The following ULK4 variants were observed in gnomAD, a reference collection of about 807,000 sequenced individuals.
The protein encoded by ULK4 is unc-51 like kinase 4.
In ULK4, 133 loss-of-function variants were observed where a neutral mutation model predicts 160.6. That is an observed-to-expected ratio of 0.83 (90% CI 0.72 to 0.96). The LOEUF (loss-of-function observed/expected upper bound fraction) is 0.96, where lower values mean the gene tolerates loss of function less well. Among genes scored for constraint, ULK4 ranks in the 40% least tolerant of loss-of-function variants. ULK4 has a pLI of 0.00. For synonymous variants in ULK4, 534 were observed against 539.8 expected (o/e 0.99, Z 0.15); for missense variants, 1,580 against 1,499.5 (o/e 1.05, Z -0.89).
At chr3:41,956,026 T>TA (rs1700472295) in intron 1 of ULK4, among the ~76,000 whole-genome samples, 1 of 151,972 alleles carries the variant, frequency 6.6e-6, no homozygotes, top group Non-Finnish European at 1.5e-5. Context: ...GTAACTAAAT[T>TA]GAAAGGAAAA....
At chr3:41,354,719 C>A (rs1278460483) in intron 35 of ULK4, among the ~76,000 whole-genome samples, 1 of 152,170 alleles carries the variant, frequency 6.6e-6, no homozygotes, top group Non-Finnish European at 1.5e-5. Context: ...ATGGGGCAAG[C>A]AAACTCTGCT....
intron 20 of ULK4, among the ~76,000 whole-genome samples, chr3:41,799,920 G>C (rs773262800): frequency 6.6e-6 from 1 of 152,004 alleles, no homozygotes; most frequent in African/African-American, 2.4e-5. Context: ...TCCTAACAAG[G>C]TTTTATTGAA....
At chr3:41,275,767 C>T (rs1375475475) in intron 35 of ULK4, among the ~76,000 whole-genome samples, 2 of 152,188 alleles carry the variant, frequency 1.3e-5, no homozygotes, top group Non-Finnish European at 1.5e-5. Flanking sequence ...TCTAACATTT[C>T]CAGAGTCCAA....
Position 41,861,166 on chromosome 3 carries a change from ATAG to A in ULK4, c.1656+22705_1656+22707del, listed in dbSNP as rs144503520. Among the ~76,000 whole-genome samples the A allele has an allele frequency of 7.7e-3, 1,171 of 152,294 alleles. 45 individuals carry two copies. In the East Asian group the frequency reaches 0.12, roughly 16 times the overall value. On this transcript the variant is annotated intron_variant, in intron 17 of 36. Coordinates refer to ENST00000301831, the MANE Select transcript of ULK4 (RefSeq NM_017886.4). ...GGCTCATATTTTAGTCTTTCTACTT[ATAG>A]TAGAAGTAGTTTACACACAATTACA...
chr3:41,786,202 A>G (rs1020610949), intron 21 of ULK4, among the ~76,000 whole-genome samples: 1 of 152,182 alleles, frequency 6.6e-6, no homozygotes, highest in Non-Finnish European at 1.5e-5. Flanking sequence ...CTGTTAGGGC[A>G]TAAGCACTTA....
At chr3:41,780,373 T>C (rs995030924) in intron 21 of ULK4, among the ~76,000 whole-genome samples, 3 of 150,358 alleles carry the variant, frequency 2.0e-5, no homozygotes, top group African/African-American at 7.5e-5. Context: ...AATATAAAAA[T>C]TTATATTAAA....
intron 35 of ULK4, among the ~76,000 whole-genome samples, chr3:41,318,740 G>A (rs1395573643): frequency 6.6e-6 from 1 of 152,204 alleles, no homozygotes; most frequent in Non-Finnish European, 1.5e-5. Flanking sequence ...GCAGTGTGTG[G>A]TCTGTGAGGT....
chr3:41,373,203 C>T (rs992372341), intron 35 of ULK4, among the ~76,000 whole-genome samples: 1 of 152,004 alleles, frequency 6.6e-6, no homozygotes, highest in African/African-American at 2.4e-5. Context: ...GAGTGACACC[C>T]CACTGTCAAT....
chr3:41,562,300 A>G (rs915405313), intron 32 of ULK4, among the ~76,000 whole-genome samples: 3 of 152,214 alleles, frequency 2.0e-5, no homozygotes, highest in Admixed American at 6.5e-5. Context: ...CAATTTTAGA[A>G]TAAGTGTGAG....
At chr3:41,770,921 C>T (rs2039335020) in intron 21 of ULK4, among the ~76,000 whole-genome samples, 1 of 152,088 alleles carries the variant, frequency 6.6e-6, no homozygotes, top group African/African-American at 2.4e-5. Flanking sequence ...CTAAAGAAGC[C>T]TTTTTATTTT....
intron 32 of ULK4, among the ~76,000 whole-genome samples, chr3:41,519,247 C>G (rs910275452): frequency 1.3e-5 from 2 of 152,164 alleles, no homozygotes; most frequent in African/African-American, 4.8e-5. Context: ...CCTTTTGGAG[C>G]TTGTCACAGC....
chr3:41,581,421 A>G (rs76940566), intron 31 of ULK4, among the ~76,000 whole-genome samples: 1,674 of 152,324 alleles, frequency 0.011, 28 homozygotes, highest in African/African-American at 0.037. Flanking sequence ...TACATTTAAA[A>G]CACAAACATA....
At chr3:41,255,129 T>TATAC (rs374984312) in intron 35 of ULK4, among the ~76,000 whole-genome samples, 1 of 144,178 alleles carries the variant, frequency 6.9e-6, no homozygotes, top group African/African-American at 2.6e-5. Flanking sequence ...AAATTATGGC[T>TATAC]ACACACACAC....
chr3:41,552,470 G>C (rs916708924), intron 32 of ULK4, among the ~76,000 whole-genome samples: 1 of 151,602 alleles, frequency 6.6e-6, no homozygotes, highest in Non-Finnish European at 1.5e-5. Context: ...TAATAAACTA[G>C]CTGAGGAAAA....
intron 32 of ULK4, among the ~76,000 whole-genome samples, chr3:41,469,608 A>AAAAAAAAAAAAAAAAAAAAC: frequency 6.9e-6 from 1 of 143,964 alleles, no homozygotes; most frequent in Non-Finnish European, 1.5e-5. Flanking sequence ...CTGCCAAAAA[A>AAAAAAAAAAAAAAAAAAAAC]AAAAAAAAAA....
intron 32 of ULK4, among the ~76,000 whole-genome samples, chr3:41,532,385 C>T (rs940409455): frequency 5.3e-5 from 8 of 152,196 alleles, no homozygotes; most frequent in South Asian, 4.1e-4. Context: ...CATCCAGATA[C>T]GTCATATCCC....
intron 35 of ULK4, among the ~76,000 whole-genome samples, chr3:41,312,487 T>C (rs1329621296): frequency 1.3e-5 from 2 of 152,082 alleles, no homozygotes; most frequent in Admixed American, 1.3e-4. Context: ...TAAGTCATAA[T>C]AAAAACACTA....
chr3:41,466,074 T>TCATTTGAG (rs2083825975), intron 32 of ULK4, among the ~76,000 whole-genome samples: 1 of 152,202 alleles, frequency 6.6e-6, no homozygotes, highest in Non-Finnish European at 1.5e-5. Context: ...CAATCACTAT[T>TCATTTGAG]CATTTGTATG....
rs181707961 is a variant in ULK4, at chr3:41,349,547, G to C, written c.3678+48532C>G. Among the ~76,000 whole-genome samples the C allele has an allele frequency of 3.7e-3, 560 of 152,280 alleles. 3 individuals carry two copies. Among genetic ancestry groups the C allele is most frequent in the African/African-American group, 0.013 (527 of 41,560 alleles). ...AATACTCAACATTTTATGGGCAGAC[G>C]CATGAGAGGGGCCTTTAGGAGTAGC... is the stretch of plus-strand genomic sequence containing the variant. On this transcript the variant is annotated intron_variant, in intron 35 of 36. Coordinates refer to ENST00000301831, the MANE Select transcript of ULK4 (RefSeq NM_017886.4).
Sources: allele counts gnomAD v4.1 joint callset (sites outside exome capture counted in the v4.1 genomes callset), GRCh38; gene constraint gnomAD v4.1.1; transcripts MANE v1.5; gene names NCBI Gene and HGNC (gene_info 2026-07-23, HGNC 2026-07-21).